The following ZNF710 variants were observed in gnomAD, a reference collection of about 807,000 sequenced individuals.
ZNF710 encodes the protein zinc finger protein 710.
A neutral mutation model predicts 50.6 loss-of-function variants in ZNF710; 13 were observed. The observed-to-expected ratio is 0.26, with a 90% CI of 0.17 to 0.41. The LOEUF is 0.41. Ranked by LOEUF, ZNF710 falls within the 10% of genes least tolerant of loss-of-function variation. The pLI is 1.00. For synonymous variants in ZNF710, 383 were observed against 397.0 expected (o/e 0.96, Z 0.42); for missense variants, 721 against 936.6 (o/e 0.77, Z 3.01).
At chr15:90,076,828 A>AT (rs1050321275) in intron 4 of ZNF710, among the ~76,000 whole-genome samples, 9 of 151,642 alleles carry the variant, frequency 5.9e-5, no homozygotes, top group African/African-American at 2.2e-4. Flanking sequence ...CCCAAACAAG[A>AT]TTTTTTAAAA....
intron 1 of ZNF710, among the ~76,000 whole-genome samples, chr15:90,041,920 T>TA (rs1899307851): frequency 7.1e-6 from 1 of 140,918 alleles, no homozygotes. Context: ...TTTTTTGAGA[T>TA]AGAGTTTCGC....
intron 1 of ZNF710, among the ~76,000 whole-genome samples, chr15:90,041,808 C>T (rs1158596528): frequency 1.3e-5 from 2 of 151,888 alleles, no homozygotes; most frequent in Non-Finnish European, 2.9e-5. Context: ...GTGGGATTTG[C>T]CTTTGTCAAA....
At chr15:90,058,718 TACACAC>T (rs917579722) in intron 1 of ZNF710, among the ~76,000 whole-genome samples, 1 of 147,966 alleles carries the variant, frequency 6.8e-6, no homozygotes, top group African/African-American at 2.6e-5. Context: ...TATATATATA[TACACAC>T]ATATACACAC....
rs776652732 is a variant in ZNF710, at chr15:90,067,900, G to A, written c.763G>A (p.Glu255Lys). 6.2e-6 allele frequency: 10 copies of A among 1,613,270 alleles called. No homozygotes were observed. Among genetic ancestry groups the A allele is most frequent in the Middle Eastern group, 1.6e-4 (1 of 6,082 alleles). ...CGTGTGGCAGGAGGCCAGTGAGTTC[G>A]AGGCTGACACGGCGGGTTCGACCGT... is the stretch of plus-strand genomic sequence containing the variant. ...GFVWQEASEF[E>K]ADTAGSTVER... The change falls in exon 2 of 5, where the codon GAG (glutamate) becomes AAG (lysine). Residue 255 changes from glutamate to lysine, a missense_variant. This residue lies in a region of ZNF710 where 326 missense variants were observed against 522.0 expected (regional missense o/e 0.62). Transcript: ENST00000268154. This position sits in a 1 kb window ranked among gnomAD's most constrained non-coding sequence, Gnocchi z 8.1.
At chr15:90,032,004 T>C (rs566655838) in intron 1 of ZNF710, among the ~76,000 whole-genome samples, 2 of 152,328 alleles carry the variant, frequency 1.3e-5, no homozygotes, top group Admixed American at 1.3e-4. Context: ...TGACTGTGAA[T>C]TTCTGTTTTT....
intron 1 of ZNF710, among the ~76,000 whole-genome samples, chr15:90,036,889 G>A (rs992545322): frequency 3.3e-5 from 5 of 152,164 alleles, no homozygotes; most frequent in South Asian, 2.1e-4. Context: ...AGTTCACATC[G>A]GGGAATTCTC....
In ZNF710 at chr15:90,034,122, CA is replaced by C. The variant is rs1875882097; in HGVS notation, c.-29+32509del. Among the ~76,000 whole-genome samples the C allele has an allele frequency of 6.6e-6, 1 of 151,866 alleles. No homozygotes were observed. The highest frequency in any genetic ancestry group is 1.5e-5 in the Non-Finnish European group (1 of 67,992). ...CTGAGGTGGGAGAATCGCTTGAACC[CA>C]GGAGGCAGAGGTTGCAGTGAGCCGA... On this transcript the variant is annotated intron_variant, in intron 1 of 4. Coordinates refer to ENST00000268154, the MANE Select transcript of ZNF710 (RefSeq NM_198526.4). This position sits in a 1 kb window ranked among gnomAD's most constrained non-coding sequence, Gnocchi z 4.0.
Position 90,034,638 on chromosome 15 carries a change from C to G in ZNF710, c.-28-32472C>G, listed in dbSNP as rs748376430. Among the ~76,000 whole-genome samples the G allele has an allele frequency of 2.0e-5, 3 of 152,084 alleles. No homozygotes were observed. Among genetic ancestry groups the G allele is most frequent in the Admixed American group, 2.0e-4 (3 of 15,260 alleles). On this transcript the variant is annotated intron_variant, in intron 1 of 4. Coordinates refer to ENST00000268154, the MANE Select transcript of ZNF710 (RefSeq NM_198526.4). This position sits in a 1 kb window ranked among gnomAD's most constrained non-coding sequence, Gnocchi z 4.0. ...AGCCTCCTCCGGCCTCTGCCTCACC[C>G]GCCAGCTCTTCTCACCCCTTCTGAG... is the stretch of plus-strand genomic sequence containing the variant.
intron 1 of ZNF710, among the ~76,000 whole-genome samples, chr15:90,031,014 G>T (rs866680006): frequency 2.8e-5 from 1 of 35,132 alleles, no homozygotes; most frequent in African/African-American, 1.7e-4. Context: ...GCGAGACTCC[G>T]TCTCAAAAAA....
chr15:90,052,373 T>G (rs1235645795), intron 1 of ZNF710, among the ~76,000 whole-genome samples: 2 of 152,172 alleles, frequency 1.3e-5, no homozygotes, highest in Non-Finnish European at 2.9e-5. Flanking sequence ...CAATCTCCAT[T>G]CCCAGATCTT....
At chr15:90,021,018 C>A (rs28397646) in intron 1 of ZNF710, among the ~76,000 whole-genome samples, 42 of 150,506 alleles carry the variant, frequency 2.8e-4, no homozygotes, top group South Asian at 2.1e-3. Flanking sequence ...CACCCCCCCC[C>A]CCTTAGCAGC....
intron 1 of ZNF710, among the ~76,000 whole-genome samples, chr15:90,022,667 A>G (rs1331193931): frequency 6.6e-6 from 1 of 152,220 alleles, no homozygotes; most frequent in African/African-American, 2.4e-5. Context: ...CCCTTTGGAA[A>G]TGTTGACCTG....
chr15:90,007,995 A>C (rs1285007089), intron 1 of ZNF710, among the ~76,000 whole-genome samples: 2 of 152,106 alleles, frequency 1.3e-5, no homozygotes, highest in Non-Finnish European at 2.9e-5. Flanking sequence ...CTGCTGCCGC[A>C]CCAAAGGCTA....
intron 1 of ZNF710, among the ~76,000 whole-genome samples, chr15:90,050,958 C>G (rs961877641): frequency 5.9e-5 from 9 of 152,148 alleles, no homozygotes; most frequent in African/African-American, 2.2e-4. Context: ...ATTGCACAGG[C>G]TGGGGCACCG....
At chr15:90,024,119 A>G (rs1436432350) in intron 1 of ZNF710, among the ~76,000 whole-genome samples, 2 of 152,076 alleles carry the variant, frequency 1.3e-5, no homozygotes, top group East Asian at 1.9e-4. Flanking sequence ...ACATGATGCA[A>G]CCCTCCTTCC....
intron 4 of ZNF710, chr15:90,075,508 C>A (rs1366692686): frequency 6.6e-6 from 1 of 152,144 alleles, no homozygotes; most frequent in Non-Finnish European, 1.5e-5. Flanking sequence ...CGTGGCAAAG[C>A]AAGACCCTAT....
upstream of ZNF710, among the ~76,000 whole-genome samples, chr15:90,000,993 AAAAG>A (rs975123905): frequency 2.0e-4 from 30 of 152,298 alleles, no homozygotes; most frequent in African/African-American, 4.6e-4. Context: ...GGAGAAAAAA[AAAAG>A]AGAGAGAGAG....
chr15:90,068,207 A>C lies in ZNF710; in HGVS notation c.1070A>C (p.His357Pro). 4 of 1,613,910 alleles carry C rather than the reference A, an allele frequency of 2.5e-6. No homozygotes were observed. The South Asian group carries it at 4.4e-5, about 18-fold the overall frequency. The change falls in exon 2 of 5, where the codon CAC becomes CCC. Residue 357 changes from histidine to proline, a missense_variant. By Grantham distance (77) the His-to-Pro change is moderately conservative. Coordinates refer to ENST00000268154, the MANE Select transcript of ZNF710 (RefSeq NM_198526.4). This position sits in a 1 kb window ranked among gnomAD's most constrained non-coding sequence, Gnocchi z 5.0. ...GTRPHKCQVC[H>P]KAFTQTSHLK... ...CGGCCCCACAAGTGCCAGGTATGCC[A>C]CAAGGCCTTCACGCAGACCAGCCAC...
At chr15:90,074,592 G>T in intron 4 of ZNF710, 5 of 1,193,384 alleles carry the variant, frequency 4.2e-6, no homozygotes, top group Non-Finnish European at 5.5e-6. Flanking sequence ...TCAAAGCGAG[G>T]TTGGCTCTGT....
Sources: gnomAD v4.1 joint callset for allele counts (sites outside exome capture counted in the v4.1 genomes callset) on GRCh38, gnomAD v4.1.1 for gene constraint, gnomAD v4.1.1 regional missense constraint, Gnocchi (gnomAD v3.1) non-coding constraint, MANE v1.5 for transcripts, NCBI Gene and HGNC (gene_info 2026-07-23, HGNC 2026-07-21) for gene names.